Variants in HSPH1 observed in about 807,000 individuals in gnomAD.
HSPH1 encodes the protein heat shock protein 105 kDa.
Under a neutral mutation model 100.0 loss-of-function variants are expected in HSPH1, and 40 were observed. The ratio of observed to expected loss-of-function variants is 0.40; its 90% confidence interval spans 0.31 to 0.52. The LOEUF is 0.52. Among genes scored for constraint, HSPH1 ranks in the 20% least tolerant of loss-of-function variants. The pLI, the probability that HSPH1 is intolerant of heterozygous loss-of-function variation, is 0.54. For synonymous variants in HSPH1, 403 were observed against 344.0 expected, an observed-to-expected ratio of 1.17 and a Z score of -1.90; for missense variants, 876 against 1,015.1, an observed-to-expected ratio of 0.86 and a Z score of 1.86.
chr13:31,137,619 CA>C, intron 17 of HSPH1, 95 bp from the exon 18 acceptor site: 1 of 828,966 alleles, frequency 1.2e-6, no homozygotes, highest in Non-Finnish European at 1.9e-6. Flanking sequence ...ATTTTTCTAC[CA>C]ACTCCAATTA....
intron 2 of HSPH1, 125 bp downstream of exon 2, chr13:31,158,681 T>C (rs1250811465): frequency 9.6e-6 from 6 of 624,012 alleles, no homozygotes; most frequent in Non-Finnish European, 1.2e-5. Context: ...AATACTTGAA[T>C]TACATTTTTA....
chr13:31,145,330 C>T (rs1956230587), intron 11 of HSPH1, among the ~76,000 whole-genome samples: 1 of 152,146 alleles, frequency 6.6e-6, no homozygotes, highest in South Asian at 2.1e-4. Flanking sequence ...ACATCATCTA[C>T]TCTGTCATAT....
rs1955901164 is a variant in HSPH1 at position 31,136,985 on chromosome 13, T to C, written c.*333A>G. The stretch of plus-strand genomic sequence containing the variant: ...CTTGGCAGGAACAAATGCTTAAAGA[T>C]TTTAATCACAGCCCTCTTGAACAAG... On this transcript the variant is annotated 3_prime_UTR_variant, in exon 18 of 18. Transcript: ENST00000320027. The C allele has an allele frequency of 2.6e-6, 1 of 383,210 alleles. No individual in the cohort carries two copies. Among genetic ancestry groups the C allele is most frequent in the African/African-American group, 2.2e-5 (1 of 45,842 alleles). The allele number at this position is 383,210 out of a possible 1,614,324, so 23.7% of individuals were successfully genotyped here.
rs548657733 is a variant in HSPH1 at position 31,144,587 on chromosome 13, C to T, written c.1585-664G>A. ...TTTTCTTTTTTAGTAGCCCTCAATC[C>T]CTAATATATTAGTGCTTGCTTGATC... On this transcript the variant is annotated intron_variant, in intron 11 of 17. Coordinates refer to ENST00000320027, the MANE Select transcript of HSPH1 (RefSeq NM_006644.4). 2.0e-5 allele frequency among the ~76,000 whole-genome samples: 3 copies of T among 152,096 alleles called. 1 individual carries two copies. Among genetic ancestry groups the T allele is most frequent in the Admixed American group, 2.0e-4 (3 of 15,272 alleles).
intron 7 of HSPH1, 90 bp downstream of exon 7, chr13:31,150,857 C>T: frequency 1.5e-6 from 2 of 1,314,634 alleles, no homozygotes; most frequent in East Asian, 4.7e-5. Context: ...GAAATGTAGG[C>T]CAAGACTCAC....
intron 6 of HSPH1, 177 bp from the exon 7 acceptor site, chr13:31,151,368 G>C (rs189076296): frequency 1.4e-6 from 1 of 700,394 alleles, no homozygotes; most frequent in African/African-American, 1.8e-5. Flanking sequence ...ACTTTTAAAT[G>C]ACTACATAGA....
intron 4 of HSPH1, 97 bp downstream of exon 4, chr13:31,154,536 G>A: frequency 1.5e-6 from 2 of 1,359,138 alleles, no homozygotes; most frequent in East Asian, 2.3e-5. Context: ...ACGGTCTCTA[G>A]TAACTAAAGA....
At chr13:31,156,116 C>T (rs569241857) in intron 2 of HSPH1, among the ~76,000 whole-genome samples, 27 of 152,262 alleles carry the variant, frequency 1.8e-4, no homozygotes, top group African/African-American at 5.3e-4. Context: ...TTTGGCCAGG[C>T]GCGGTGGCTC....
intron 1 of HSPH1, among the ~76,000 whole-genome samples, chr13:31,160,533 T>C (rs1466366320): frequency 1.3e-5 from 2 of 152,224 alleles, no homozygotes; most frequent in East Asian, 3.8e-4. Context: ...TGAAATCATT[T>C]GTTTTCATCA....
Position 31,151,108 on chromosome 13 carries a change from T to G in HSPH1, c.747A>C (p.Lys249Asn), listed in dbSNP as rs1442892220. 1.2e-6 allele frequency: 2 copies of G among 1,613,756 alleles called. No individual in the cohort carries two copies. Among genetic ancestry groups the G allele is most frequent in the Non-Finnish European group, 1.7e-6 (2 of 1,179,796 alleles). ...KLVEHFCAEFKTKYKLDAKSK... is the reference protein window; with the variant it reads ...KLVEHFCAEFNTKYKLDAKSK... ...ATTTTGCATCCAACTTGTACTTAGT[T>G]TTAAATTCTGCACAAAAATGTTCCA... The change falls in exon 7 of 18, where the codon AAA (lysine) becomes AAC (asparagine). Residue 249 changes from lysine to asparagine, a missense_variant. Lys to Asn is a moderately conservative substitution (Grantham distance 94). Coordinates refer to ENST00000320027, the MANE Select transcript of HSPH1 (RefSeq NM_006644.4).
At chr13:31,158,726 C>T (rs1956791878) in intron 2 of HSPH1, 80 bp downstream of exon 2, 4 of 867,334 alleles carry the variant, frequency 4.6e-6, no homozygotes, top group Middle Eastern at 2.2e-4. Flanking sequence ...GCACACTTTA[C>T]CCTCTTATAT....
chr13:31,154,781 A>G (rs769978392), intron 3 of HSPH1, 26 bp from the exon 4 acceptor site: 2 of 1,603,670 alleles, frequency 1.2e-6, no homozygotes, highest in Admixed American at 3.4e-5. Context: ...AAAATGTTTT[A>G]AACATTGTAG....
upstream of HSPH1, chr13:31,161,935 T>C (rs1300568628): frequency 2.0e-6 from 3 of 1,532,468 alleles, no homozygotes; most frequent in African/African-American, 2.7e-5. Flanking sequence ...CTCAGCCTTA[T>C]GTATCGCACT....
At chr13:31,143,233 C>CGGG (rs1956160247) in intron 12 of HSPH1, among the ~76,000 whole-genome samples, 1 of 152,116 alleles carries the variant, frequency 6.6e-6, no homozygotes, top group Admixed American at 6.6e-5. Flanking sequence ...TGATTACAAA[C>CGGG]TGTCATTTTC....
At chr13:31,162,074 G>C, upstream of HSPH1, 6 of 1,536,128 alleles carry the variant, frequency 3.9e-6, no homozygotes, top group Non-Finnish European at 5.2e-6. Flanking sequence ...CCGGTCCCCG[G>C]AGAACGGCCG....
chr13:31,161,758 C>T lies in HSPH1; in HGVS notation c.-176G>A. The stretch of plus-strand genomic sequence containing the variant: ...ACAGCCGCGGCCTGTCAGGAGCCTC[C>T]TACTCCCCCGGGGACAGCGGCGGCT... On this transcript the variant is annotated 5_prime_UTR_variant, in exon 1 of 18. Coordinates refer to ENST00000320027, the MANE Select transcript of HSPH1 (RefSeq NM_006644.4). 1 of 1,526,584 alleles carries T rather than the reference C, an allele frequency of 6.6e-7. No individual in the cohort carries two copies. Among genetic ancestry groups the T allele is most frequent in the Non-Finnish European group, 8.8e-7 (1 of 1,140,674 alleles). 94.6% of individuals were successfully genotyped at this position (1,526,584 alleles called of 1,614,324 possible). A position where few individuals can be genotyped will look rare whatever the true frequency, so the allele number is the denominator to read the frequency against.
chr13:31,143,196 T>A (rs920482124), intron 12 of HSPH1, among the ~76,000 whole-genome samples: 33 of 152,154 alleles, frequency 2.2e-4, no homozygotes, highest in African/African-American at 8.0e-4. Flanking sequence ...TTTTTCAATA[T>A]CCTTCTGACC....
Position 31,136,016 on chromosome 13 carries a change from A to C in HSPH1, c.*1302T>G, listed in dbSNP as rs1235433607. ...TAGCGAAACCCCAGCTCTACCAAAAAAAAAAAAAGAATAAACTGTTGCACC... is the reference window on the plus strand; with the variant it reads ...TAGCGAAACCCCAGCTCTACCAAAACAAAAAAAAGAATAAACTGTTGCACC... On this transcript the variant is annotated 3_prime_UTR_variant, in exon 18 of 18. Coordinates refer to ENST00000320027, the MANE Select transcript of HSPH1 (RefSeq NM_006644.4). 1 of 152,138 alleles carries C rather than the reference A, an allele frequency of 6.6e-6. No individual in the cohort carries two copies. Among genetic ancestry groups the C allele is most frequent in the Non-Finnish European group, 1.5e-5 (1 of 68,014 alleles). 9.4% of individuals were successfully genotyped at this position (152,138 alleles called of 1,614,324 possible).
intron 11 of HSPH1, among the ~76,000 whole-genome samples, chr13:31,144,768 A>C (rs1956212289): frequency 1.3e-5 from 2 of 152,306 alleles, no homozygotes; most frequent in African/African-American, 4.8e-5. Flanking sequence ...GGTACTAAAG[A>C]GATTGAGAAA....
Sources: gnomAD v4.1 joint callset for allele counts (sites outside exome capture counted in the v4.1 genomes callset) on GRCh38, gnomAD v4.1.1 for gene constraint, MANE v1.5 for transcripts, NCBI Gene and HGNC (gene_info 2026-07-23, HGNC 2026-07-21) for gene names.